The following GABRG2 variants were observed in gnomAD, a reference collection of about 807,000 sequenced individuals.
GABRG2 encodes gamma-aminobutyric acid type A receptor subunit gamma2.
In GABRG2, 16 loss-of-function variants were observed where a neutral mutation model predicts 56.4. That is an observed-to-expected ratio of 0.28 (90% CI 0.19 to 0.43). GABRG2 has a LOEUF of 0.43. Among genes scored for constraint, GABRG2 ranks in the 20% least tolerant of loss-of-function variants. GABRG2 has a pLI of 1.00. For missense variants in GABRG2, 327 were observed against 582.7 expected, an observed-to-expected ratio of 0.56 and a Z score of 4.52; for synonymous variants, 208 against 205.5, an observed-to-expected ratio of 1.01 and a Z score of -0.10.
At chr5:162,088,166 A>G (rs769401528) in intron 1 of GABRG2, among the ~76,000 whole-genome samples, 11 of 152,088 alleles carry the variant, frequency 7.2e-5, no homozygotes, top group South Asian at 4.1e-4. Flanking sequence ...TAGCGCCCCA[A>G]TGGCCCCATC....
intron 5 of GABRG2, chr5:162,101,784 A>AATAT (rs1761437655): frequency 6.2e-6 from 1 of 161,516 alleles, no homozygotes; most frequent in Non-Finnish European, 1.4e-5. Context: ...CATAAGATCA[A>AATAT]ATATAAAACC....
At chr5:162,109,848 A>G (rs1353823675) in intron 6 of GABRG2, among the ~76,000 whole-genome samples, 1 of 152,106 alleles carries the variant, frequency 6.6e-6, no homozygotes, top group East Asian at 1.9e-4. Flanking sequence ...GATGTGGGCT[A>G]GAAAAGTGGA....
chr5:162,072,552 A>G (rs1346672205), intron 1 of GABRG2, among the ~76,000 whole-genome samples: 1 of 152,082 alleles, frequency 6.6e-6, no homozygotes, highest in Non-Finnish European at 1.5e-5. Context: ...AGACATGCAG[A>G]AGACAATGCG....
chr5:162,089,544 G>T (rs759109975), intron 1 of GABRG2, among the ~76,000 whole-genome samples: 3 of 152,076 alleles, frequency 2.0e-5, no homozygotes, highest in Non-Finnish European at 4.4e-5. Flanking sequence ...CTTTGCATAT[G>T]AACTCATTGC....
intron 1 of GABRG2, among the ~76,000 whole-genome samples, chr5:162,082,789 C>T (rs1759767965): frequency 6.7e-6 from 1 of 149,400 alleles, no homozygotes; most frequent in African/African-American, 2.4e-5. Flanking sequence ...GAAGGAGGAA[C>T]AAGAACAGTA....
intron 6 of GABRG2, among the ~76,000 whole-genome samples, chr5:162,109,603 T>C (rs558229318): frequency 6.6e-6 from 1 of 151,704 alleles, no homozygotes; most frequent in Admixed American, 6.6e-5. Context: ...GGTGGCTGAC[T>C]TAAAGGTGAT....
intron 6 of GABRG2, among the ~76,000 whole-genome samples, chr5:162,128,860 A>C (rs1411808575): frequency 6.6e-6 from 1 of 152,034 alleles, no homozygotes. Flanking sequence ...TTTTTAAATT[A>C]AGAATCAAGC....
chr5:162,138,045 C>T (rs1764269859), intron 6 of GABRG2, among the ~76,000 whole-genome samples: 1 of 151,976 alleles, frequency 6.6e-6, no homozygotes, highest in South Asian at 2.1e-4. Context: ...CAAGTGCGAG[C>T]CACCGTGCCC....
chr5:162,142,053 A>G, intron 6 of GABRG2, 111 bp from the exon 7 acceptor site: 6 of 1,346,450 alleles, frequency 4.5e-6, no homozygotes, highest in South Asian at 1.2e-5. Flanking sequence ...TACCACTTGT[A>G]GAAAACTCTT....
At chr5:162,119,446 T>A (rs1250204331) in intron 6 of GABRG2, among the ~76,000 whole-genome samples, 1 of 152,156 alleles carries the variant, frequency 6.6e-6, no homozygotes, top group Non-Finnish European at 1.5e-5. Flanking sequence ...CCATAGCAAT[T>A]CATTTATAGT....
intron 6 of GABRG2, among the ~76,000 whole-genome samples, chr5:162,113,677 T>C (rs970516807): frequency 6.6e-6 from 1 of 152,372 alleles, no homozygotes; most frequent in East Asian, 1.9e-4. Context: ...TAGCACCATG[T>C]ACCAATGATA....
chr5:162,126,178 T>TA (rs1763329787), intron 6 of GABRG2, among the ~76,000 whole-genome samples: 1 of 151,816 alleles, frequency 6.6e-6, no homozygotes, highest in Non-Finnish European at 1.5e-5. Context: ...AATGAGGGGG[T>TA]AATGACATTT....
chr5:162,103,300 A>G (rs150665011), intron 5 of GABRG2: 38 of 155,388 alleles, frequency 2.4e-4, no homozygotes, highest in East Asian at 2.1e-3. Flanking sequence ...GCTCATTGAT[A>G]TCTTCCTCTT....
intron 6 of GABRG2, among the ~76,000 whole-genome samples, chr5:162,125,182 T>G (rs544044697): frequency 1.3e-5 from 2 of 151,950 alleles, no homozygotes; most frequent in East Asian, 3.9e-4. Flanking sequence ...GAGAAACAAC[T>G]AGATAAATCT....
Position 162,129,709 on chromosome 5 carries a change from G to T in GABRG2, c.770-12455G>T, listed in dbSNP as rs75491208. Among the ~76,000 whole-genome samples, 892 of 151,826 alleles carry T rather than the reference G, an allele frequency of 5.9e-3. 6 individuals are homozygous for T. Among genetic ancestry groups the T allele is most frequent in the Non-Finnish European group, 9.5e-3 (643 of 67,876 alleles). ...TAAAGGTCAAACTAAGAAATAACAG[G>T]TTTTTTCTAAATTTTTCATCAAATG... On this transcript the variant is annotated intron_variant, in intron 6 of 9. Transcript: ENST00000639213.
At chr5:162,136,391 A>G (rs1426057858) in intron 6 of GABRG2, among the ~76,000 whole-genome samples, 1 of 152,052 alleles carries the variant, frequency 6.6e-6, no homozygotes, top group East Asian at 1.9e-4. Flanking sequence ...TAAGAAAGTA[A>G]ATTTAATTTT....
Position 162,093,989 on chromosome 5 carries a change from A to T in GABRG2, c.259+10A>T, listed in dbSNP as rs756876801. 6.2e-7 allele frequency: 1 copy of T among 1,612,994 alleles called. No individual in the cohort carries two copies. The highest frequency in any genetic ancestry group is 2.2e-5 in the East Asian group (1 of 44,782). On this transcript the variant is annotated intron_variant, in intron 2 of 9. Coordinates refer to ENST00000639213, the MANE Select transcript of GABRG2 (RefSeq NM_198904.4). ...CGGCCTGATATAGGAGGTTTGTTAA[A>T]GTCTTTTGCGTTGTGCTATAGATAG... is the stretch of plus-strand genomic sequence containing the variant.
Position 162,132,322 on chromosome 5 carries a change from C to T in GABRG2, c.770-9842C>T, listed in dbSNP as rs552123518. ...AGAGTAGATGGAAAAAGTTGTTCCC[C>T]GTGGATAAGGCATCTGTTTTTCAGG... On this transcript the variant is annotated intron_variant, in intron 6 of 9. Transcript: ENST00000639213. Among the ~76,000 whole-genome samples, 26 of 152,016 alleles carry T rather than the reference C, an allele frequency of 1.7e-4. No homozygotes were observed. In the South Asian group the frequency reaches 4.6e-3, roughly 27 times the overall value.
intron 6 of GABRG2, among the ~76,000 whole-genome samples, chr5:162,130,933 T>A (rs1763697628): frequency 6.6e-6 from 1 of 151,964 alleles, no homozygotes; most frequent in African/African-American, 2.4e-5. Flanking sequence ...CAGTAATCCA[T>A]GCCTTGATTC....
Sources: gnomAD v4.1 joint callset for allele counts (sites outside exome capture counted in the v4.1 genomes callset) on GRCh38, gnomAD v4.1.1 for gene constraint, MANE v1.5 for transcripts, NCBI Gene and HGNC (gene_info 2026-07-23, HGNC 2026-07-21) for gene names.